BCAS3: variants seen among roughly 807,000 people sequenced by gnomAD.
BCAS3 encodes BCAS4/BCAS3 fusion.
In BCAS3, 53 loss-of-function variants were observed where a neutral mutation model predicts 116.1. The observed-to-expected ratio is 0.46, with a 90% CI of 0.37 to 0.57. The LOEUF (loss-of-function observed/expected upper bound fraction) is 0.57, where lower values mean the gene tolerates loss of function less well. BCAS3 is among the 20% of genes least tolerant of loss of function. BCAS3 has a pLI of 0.00. For synonymous variants in BCAS3, 391 were observed against 408.2 expected, an observed-to-expected ratio of 0.96 and a Z score of 0.51; for missense variants, 917 against 1,165.4, an observed-to-expected ratio of 0.79 and a Z score of 3.10.
chr17:60,971,730 C>A (rs1454093069), intron 14 of BCAS3, among the ~76,000 whole-genome samples: 1 of 152,202 alleles, frequency 6.6e-6, no homozygotes, highest in South Asian at 2.1e-4. Context: ...AGGTTCTGCT[C>A]AACCAGACTG....
Position 60,897,161 on chromosome 17 carries a change from G to A in BCAS3, c.739-5459G>A, listed in dbSNP as rs368954816. Among the ~76,000 whole-genome samples, 10 of 152,272 alleles carry A rather than the reference G, an allele frequency of 6.6e-5. No individual in the cohort carries two copies. In the East Asian group the frequency reaches 1.2e-3, roughly 18 times the overall value. ...AAAATGTCATTTCTCCTTCATTTAT[G>A]AAGGGTAATTTTGCTGGATACAGTA... On this transcript the variant is annotated intron_variant, in intron 10 of 23. Transcript: ENST00000407086.
chr17:61,135,702 T>A (rs2076588322), intron 22 of BCAS3, among the ~76,000 whole-genome samples: 1 of 152,174 alleles, frequency 6.6e-6, no homozygotes, highest in Non-Finnish European at 1.5e-5. Context: ...AAAAGAAGAT[T>A]TTATGAAACC....
At chr17:60,924,268 C>T in intron 12 of BCAS3, 139 bp from the exon 13 acceptor site, 2 of 665,198 alleles carry the variant, frequency 3.0e-6, no homozygotes, top group South Asian at 4.0e-5. Flanking sequence ...GAATTCTCTC[C>T]TTATATTGGC....
intron 6 of BCAS3, among the ~76,000 whole-genome samples, chr17:60,802,283 C>CAAAAAA (rs1174016996): frequency 3.1e-4 from 33 of 107,922 alleles, no homozygotes; most frequent in African/African-American, 1.2e-3. Flanking sequence ...GACTCTGTCT[C>CAAAAAA]AAAAAAAAAA....
intron 22 of BCAS3, among the ~76,000 whole-genome samples, chr17:61,296,192 C>T (rs2052888586): frequency 1.3e-5 from 2 of 152,306 alleles, no homozygotes; most frequent in Middle Eastern, 3.4e-3. Flanking sequence ...TCCATACTCT[C>T]TCATTCTTCC....
At chr17:61,133,521 T>C (rs1221420155) in intron 22 of BCAS3, among the ~76,000 whole-genome samples, 2 of 152,176 alleles carry the variant, frequency 1.3e-5, no homozygotes, top group Non-Finnish European at 2.9e-5. Flanking sequence ...GCTAGTAGAA[T>C]TCCGTGCAAA....
chr17:61,265,698 T>TCCC lies in BCAS3; in HGVS notation c.2426-102624_2426-102622dup, dbSNP rs5821315. Among the ~76,000 whole-genome samples the TCCC allele has an allele frequency of 2.0e-5, 3 of 151,688 alleles. No homozygotes were observed. The highest frequency in any genetic ancestry group is 6.6e-5 in the Admixed American group (1 of 15,220). On this transcript the variant is annotated intron_variant, in intron 22 of 23. Transcript: ENST00000407086. The surrounding 1 kb of genome is among the most constrained non-coding windows in gnomAD (Gnocchi z 4.3). Reference sequence around the variant, plus strand: ...ACTATGTAACACCATCATTCTTTTTTCCCCCCCATCAAGTAGTATATCTGC... The same window carrying TCCC: ...ACTATGTAACACCATCATTCTTTTTTCCCCCCCCCCATCAAGTAGTATATCTGC...
intron 19 of BCAS3, among the ~76,000 whole-genome samples, chr17:61,048,233 A>G (rs887137672): frequency 3.9e-5 from 6 of 151,996 alleles, no homozygotes; most frequent in African/African-American, 1.4e-4. Context: ...TAGCTTCCCA[A>G]CAAGATGGAC....
At chr17:60,842,518 A>C (rs974197018) in intron 7 of BCAS3, among the ~76,000 whole-genome samples, 2 of 151,892 alleles carry the variant, frequency 1.3e-5, no homozygotes, top group African/African-American at 2.4e-5. Flanking sequence ...TCAATTTTCT[A>C]TTTAGAACCC....
intron 6 of BCAS3, among the ~76,000 whole-genome samples, chr17:60,773,289 T>A (rs1430594550): frequency 7.1e-6 from 1 of 140,732 alleles, no homozygotes; most frequent in Non-Finnish European, 1.5e-5. Context: ...TTCAGGTCCT[T>A]TTTTTTTTTT....
At chr17:60,719,174 T>G (rs1194062940) in intron 5 of BCAS3, among the ~76,000 whole-genome samples, 1 of 152,114 alleles carries the variant, frequency 6.6e-6, no homozygotes, top group African/African-American at 2.4e-5. Flanking sequence ...AAGAGCAGAT[T>G]TGGGTGGAAA....
At chr17:61,072,319 A>C (rs1568287611) in intron 19 of BCAS3, among the ~76,000 whole-genome samples, 1 of 152,130 alleles carries the variant, frequency 6.6e-6, no homozygotes, top group South Asian at 2.1e-4. Flanking sequence ...ACTAATGACC[A>C]ATCCTGTTTT....
At chr17:61,329,627 C>T (rs2056085491) in intron 22 of BCAS3, among the ~76,000 whole-genome samples, 1 of 152,192 alleles carries the variant, frequency 6.6e-6, no homozygotes, top group African/African-American at 2.4e-5. Context: ...AGGCGTGAGC[C>T]ACCATGCCCG....
chr17:60,896,385 T>A (rs1396047842), intron 10 of BCAS3, among the ~76,000 whole-genome samples: 1 of 152,218 alleles, frequency 6.6e-6, no homozygotes, highest in Non-Finnish European at 1.5e-5. Flanking sequence ...GGCTAGATGA[T>A]CTGTTTAATG....
chr17:61,332,582 TGACATAG>T lies in BCAS3; in HGVS notation c.2426-35742_2426-35736del, dbSNP rs1202150319. On this transcript the variant is annotated intron_variant, in intron 22 of 23. Coordinates refer to ENST00000407086, the MANE Select transcript of BCAS3 (RefSeq NM_017679.5). The surrounding 1 kb of genome is among the most constrained non-coding windows in gnomAD (Gnocchi z 5.4). ...CTCTGCTAATCTCTATACTACCCTG[TGACATAG>T]GAATTATTATCCCCATCTTTTATTA... 1.3e-5 allele frequency among the ~76,000 whole-genome samples: 2 copies of T among 152,208 alleles called. No individual in the cohort carries two copies. Among genetic ancestry groups the T allele is most frequent in the Non-Finnish European group, 2.9e-5 (2 of 68,042 alleles).
chr17:61,308,193 G>A (rs763194648), intron 22 of BCAS3, among the ~76,000 whole-genome samples: 2 of 150,656 alleles, frequency 1.3e-5, no homozygotes, highest in South Asian at 2.1e-4. Context: ...TGTTTATGGC[G>A]TCTGGCAAAT....
At position 60,990,208 on chromosome 17, in the gene BCAS3, A is replaced by G. The variant is rs919873544; in HGVS notation, c.1459A>G (p.Ser487Gly). Residue 487 changes from serine to glycine, a missense_variant, in exon 15 of 24, where the codon AGC becomes GGC. Physicochemically the swap from Ser to Gly is moderately conservative, Grantham distance 56. This residue lies in a region of BCAS3 where 807 missense variants were observed against 1,026.0 expected (regional missense o/e 0.79). Coordinates refer to ENST00000407086, the MANE Select transcript of BCAS3 (RefSeq NM_017679.5). This position sits in a 1 kb window ranked among gnomAD's most constrained non-coding sequence, Gnocchi z 5.1. The part of the protein sequence containing the change: ...GRCSPVPGLS[S>G]SPSGSPLHGK... The stretch of plus-strand genomic sequence containing the variant: ...CTGTAGCCCTGTTCCAGGTCTATCA[A>G]GCAGCCCTTCTGGGTCACCCTTGCA... 8.1e-6 allele frequency: 13 copies of G among 1,614,044 alleles called. No homozygotes were observed. The highest frequency in any genetic ancestry group is 3.3e-5 in the Admixed American group (2 of 60,002).
rs781235332 is a variant in BCAS3 at position 60,993,368 on chromosome 17, G to GT, written c.1486+3140dup. On this transcript the variant is annotated intron_variant, in intron 15 of 23. Transcript: ENST00000407086. This position sits in a 1 kb window ranked among gnomAD's most constrained non-coding sequence, Gnocchi z 4.2. The stretch of plus-strand genomic sequence containing the variant: ...TTATTGCTTTCATGTCTCTCTGCAT[G>GT]TTTTTTTCAGAAATCTCAAAGAGGA... Among the ~76,000 whole-genome samples, 1 of 151,988 alleles carries GT rather than the reference G, an allele frequency of 6.6e-6. No individual in the cohort carries two copies. The highest frequency in any genetic ancestry group is 6.6e-5 in the Admixed American group (1 of 15,250).
At chr17:60,970,078 G>A (rs949493689) in intron 14 of BCAS3, among the ~76,000 whole-genome samples, 8 of 152,144 alleles carry the variant, frequency 5.3e-5, no homozygotes, top group Admixed American at 5.2e-4. Flanking sequence ...TAGAAAGGAT[G>A]ATTTTTCCCT....
Sources: allele counts gnomAD v4.1 joint callset (sites outside exome capture counted in the v4.1 genomes callset), GRCh38; gene constraint gnomAD v4.1.1; regional missense constraint gnomAD v4.1.1; non-coding constraint Gnocchi (gnomAD v3.1); transcripts MANE v1.5; gene names NCBI Gene and HGNC (gene_info 2026-07-23, HGNC 2026-07-21).